Variants in TAFA1 observed in about 807,000 individuals in gnomAD.
The protein encoded by TAFA1 is chemokine-like protein TAFA-1.
TAFA1 carries 4 observed loss-of-function variants against 18.5 expected under a neutral mutation model. The ratio of observed to expected loss-of-function variants is 0.22; its 90% CI spans 0.11 to 0.49. TAFA1 has a LOEUF of 0.49. Among genes scored for constraint, TAFA1 ranks in the 20% least tolerant of loss-of-function variants. The probability of loss-of-function intolerance (pLI) is 0.98; values close to 1 mark genes in which losing one functional copy is unlikely to be tolerated. For missense variants in TAFA1, 147 were observed against 169.0 expected (o/e 0.87, Z 0.72); for synonymous variants, 56 against 55.2 (o/e 1.01, Z -0.06).
intron 2 of TAFA1, among the ~76,000 whole-genome samples, chr3:68,124,692 A>C (rs541810943): frequency 6.6e-6 from 1 of 152,344 alleles, no homozygotes; most frequent in South Asian, 2.1e-4. Flanking sequence ...CATGTTGCAG[A>C]GAAGGAAACC....
intron 2 of TAFA1, among the ~76,000 whole-genome samples, chr3:68,329,583 C>A (rs892988033): frequency 5.3e-5 from 8 of 152,158 alleles, no homozygotes; most frequent in Admixed American, 4.6e-4. Context: ...TGCTCTCAAA[C>A]AAGACTCTTG....
intron 3 of TAFA1, among the ~76,000 whole-genome samples, chr3:68,511,204 CAT>C (rs1299853793): frequency 2.0e-5 from 3 of 152,110 alleles, no homozygotes; most frequent in Non-Finnish European, 2.9e-5. Flanking sequence ...TTTAAACAAA[CAT>C]ATAGTATAAA....
At chr3:68,272,141 C>T (rs1559592593) in intron 2 of TAFA1, among the ~76,000 whole-genome samples, 1 of 152,132 alleles carries the variant, frequency 6.6e-6, no homozygotes, top group South Asian at 2.1e-4. Flanking sequence ...GAAAAAGAGC[C>T]TTATTCCCAC....
intron 3 of TAFA1, among the ~76,000 whole-genome samples, chr3:68,463,738 A>T (rs147549356): frequency 6.6e-6 from 1 of 152,218 alleles, no homozygotes; most frequent in East Asian, 1.9e-4. Context: ...AAATCTTATG[A>T]CAGTTTTTTG....
intron 2 of TAFA1, among the ~76,000 whole-genome samples, chr3:68,334,577 A>G (rs533164671): frequency 2.6e-5 from 4 of 152,288 alleles, no homozygotes; most frequent in Admixed American, 2.6e-4. Flanking sequence ...CCTCTGACTC[A>G]CTAGTTCTGA....
intron 2 of TAFA1, among the ~76,000 whole-genome samples, chr3:68,221,808 A>G (rs2066734201): frequency 6.6e-6 from 1 of 152,186 alleles, no homozygotes; most frequent in East Asian, 1.9e-4. Context: ...TGATTGTGCT[A>G]TTTGATTCTT....
chr3:67,999,141 C>T, the TAFA1 span, among the ~76,000 whole-genome samples: 3 of 152,124 alleles, frequency 2.0e-5, no homozygotes, highest in Non-Finnish European at 2.9e-5. Flanking sequence ...GCACTTCTGA[C>T]GTTTCAAATG....
At chr3:68,134,630 C>T (rs2065585361) in intron 2 of TAFA1, among the ~76,000 whole-genome samples, 1 of 152,078 alleles carries the variant, frequency 6.6e-6, no homozygotes, top group Non-Finnish European at 1.5e-5. Context: ...AGCTGACATC[C>T]AGAAAGTTAG....
At chr3:68,456,336 TACC>T (rs1281667326) in intron 3 of TAFA1, among the ~76,000 whole-genome samples, 1 of 152,174 alleles carries the variant, frequency 6.6e-6, no homozygotes, top group African/African-American at 2.4e-5. Context: ...TTCTGTTCCT[TACC>T]AATAAATGTC....
intron 2 of TAFA1, among the ~76,000 whole-genome samples, chr3:68,340,667 G>A (rs2069065803): frequency 6.6e-6 from 1 of 152,012 alleles, no homozygotes; most frequent in Non-Finnish European, 1.5e-5. Flanking sequence ...TTCTAGCCTA[G>A]GCACATTAGA....
intron 2 of TAFA1, among the ~76,000 whole-genome samples, chr3:68,336,309 C>T (rs985753170): frequency 6.6e-6 from 1 of 152,216 alleles, no homozygotes; most frequent in Non-Finnish European, 1.5e-5. Context: ...GACATCCTTT[C>T]CTCAGTGACT....
intron 3 of TAFA1, among the ~76,000 whole-genome samples, chr3:68,517,602 G>C (rs895723698): frequency 6.6e-6 from 1 of 152,148 alleles, no homozygotes; most frequent in Non-Finnish European, 1.5e-5. Context: ...CTGTACTGAA[G>C]AAAATATTTG....
At chr3:68,072,354 G>A (rs147749367) in intron 2 of TAFA1, among the ~76,000 whole-genome samples, 327 of 152,286 alleles carry the variant, frequency 2.1e-3, no homozygotes, top group African/African-American at 7.6e-3. Flanking sequence ...AGGTCAGGTT[G>A]TGAAGGTCCT....
chr3:68,432,047 G>T (rs1336460333), intron 3 of TAFA1, among the ~76,000 whole-genome samples: 2 of 152,036 alleles, frequency 1.3e-5, no homozygotes, highest in African/African-American at 4.8e-5. Flanking sequence ...TTGGTCAGGG[G>T]TTAATATTAT....
At chr3:68,382,142 T>G (rs138895922) in intron 2 of TAFA1, among the ~76,000 whole-genome samples, 4,569 of 152,254 alleles carry the variant, frequency 0.03, 95 homozygotes, top group East Asian at 0.093. Context: ...CTTGGTCGTG[T>G]TGGATAAGCT....
At chr3:68,053,599 A>G (rs2064498785) in intron 2 of TAFA1, among the ~76,000 whole-genome samples, 1 of 151,828 alleles carries the variant, frequency 6.6e-6, no homozygotes, top group South Asian at 2.1e-4. Flanking sequence ...TGCATTTCAC[A>G]GTAATTTGTG....
chr3:68,322,616 G>A (rs2068712473), intron 2 of TAFA1, among the ~76,000 whole-genome samples: 2 of 152,260 alleles, frequency 1.3e-5, no homozygotes, highest in African/African-American at 4.8e-5. Context: ...AGAATTGCCT[G>A]AGCCCAGGAG....
At chr3:68,531,842 C>CTCAT in intron 3 of TAFA1, among the ~76,000 whole-genome samples, 1 of 152,244 alleles carries the variant, frequency 6.6e-6, no homozygotes, top group African/African-American at 2.4e-5. Context: ...TCCTGCCCTG[C>CTCAT]TCATGTCAAC....
At chr3:68,525,616 A>G (rs1270349405) in intron 3 of TAFA1, among the ~76,000 whole-genome samples, 1 of 152,216 alleles carries the variant, frequency 6.6e-6, no homozygotes, top group African/African-American at 2.4e-5. Context: ...GATATTGGGA[A>G]GTTCTTGCCA....
Sources: gnomAD v4.1 joint callset for allele counts (sites outside exome capture counted in the v4.1 genomes callset) on GRCh38, gnomAD v4.1.1 for gene constraint, MANE v1.5 for transcripts, NCBI Gene and HGNC (gene_info 2026-07-23, HGNC 2026-07-21) for gene names.